KIAA1958: variants seen among roughly 807,000 people sequenced by gnomAD.
The protein encoded by KIAA1958 is KIAA1958, also known as uncharacterized protein KIAA1958.
Under a neutral mutation model 47.2 loss-of-function variants are expected in KIAA1958, and 14 were observed. The ratio of observed to expected loss-of-function variants is 0.30; its 90% CI spans 0.20 to 0.46. The LOEUF is 0.46. Among genes scored for constraint, KIAA1958 ranks in the 20% least tolerant of loss-of-function variants. The pLI, the probability that KIAA1958 is intolerant of heterozygous loss-of-function variation, is 1.00. For missense variants in KIAA1958, 803 were observed against 909.2 expected (o/e 0.88, Z 1.50); for synonymous variants, 354 against 353.3 (o/e 1.00, Z -0.02).
At chr9:112,559,444 G>C (rs1835291882) in intron 1 of KIAA1958, among the ~76,000 whole-genome samples, 1 of 152,220 alleles carries the variant, frequency 6.6e-6, no homozygotes, top group Non-Finnish European at 1.5e-5. Context: ...AAGTGAGGCA[G>C]AGAACAGCTC....
chr9:112,663,798 GT>G lies in KIAA1958; in HGVS notation c.*3732del, dbSNP rs1187477154. On this transcript the variant is annotated 3_prime_UTR_variant, in exon 4 of 4. Transcript: ENST00000337530. ...TAATTTGCCCTGGCTGATAAATGGTGTTTGAAGAAATGTGAAATTTTGTTAC... is the reference window on the plus strand; with the variant it reads ...TAATTTGCCCTGGCTGATAAATGGTGTTGAAGAAATGTGAAATTTTGTTAC... 6.6e-6 allele frequency: 1 copy of G among 152,224 alleles called. No individual in the cohort carries two copies. The highest frequency in any genetic ancestry group is 2.4e-5 in the African/African-American group (1 of 41,464). The allele number at this position is 152,224 out of a possible 1,614,324, so 9.4% of individuals were successfully genotyped here. A position where few individuals can be genotyped will look rare whatever the true frequency, so the allele number is the denominator to read the frequency against.
At chr9:112,623,319 A>G (rs767928348) in intron 2 of KIAA1958, among the ~76,000 whole-genome samples, 9 of 152,188 alleles carry the variant, frequency 5.9e-5, no homozygotes, top group Non-Finnish European at 1.3e-4. Context: ...AAGTATTATT[A>G]TTTCCCTTTT....
intron 1 of KIAA1958, among the ~76,000 whole-genome samples, chr9:112,560,133 A>G (rs1305384295): frequency 2.0e-5 from 3 of 151,660 alleles, no homozygotes; most frequent in Non-Finnish European, 4.4e-5. Context: ...TCTAGGCCTC[A>G]AGCAATCCTT....
chr9:112,586,670 T>C (rs1420179743), intron 2 of KIAA1958, among the ~76,000 whole-genome samples: 1 of 152,214 alleles, frequency 6.6e-6, no homozygotes, highest in Non-Finnish European at 1.5e-5. Context: ...TGATTAAGAC[T>C]TCCAAATATG....
intron 1 of KIAA1958, among the ~76,000 whole-genome samples, chr9:112,533,145 CT>C (rs1834781070): frequency 6.6e-6 from 1 of 152,100 alleles, no homozygotes; most frequent in African/African-American, 2.4e-5. Flanking sequence ...AGTATGTCCA[CT>C]TTCCACCATT....
Position 112,574,112 on chromosome 9 carries a change from A to G in KIAA1958, c.32A>G (p.Asn11Ser), listed in dbSNP as rs748581392. The G allele has an allele frequency of 6.2e-7, 1 of 1,604,690 alleles. No individual in the cohort carries two copies. The highest frequency in any genetic ancestry group is 1.1e-5 in the South Asian group (1 of 89,914). ...GATTGTCTTCATACCTCATCTGAGAATCTGTCCAAATTGGTCAGCTGGGCC... is the reference window on the plus strand; with the variant it reads ...GATTGTCTTCATACCTCATCTGAGAGTCTGTCCAAATTGGTCAGCTGGGCC... MEDCLHTSSENLSKLVSWAHS... is the reference protein window; with the variant it reads MEDCLHTSSESLSKLVSWAHS... Residue 11 changes from asparagine (N) to serine (S), a missense_variant, in exon 2 of 4, where the codon AAT (asparagine) becomes AGT (serine). Physicochemically the swap from Asn to Ser is conservative, Grantham distance 46. Transcript: ENST00000337530.
intron 1 of KIAA1958, among the ~76,000 whole-genome samples, chr9:112,519,820 G>A (rs1471389945): frequency 6.6e-6 from 1 of 152,210 alleles, no homozygotes; most frequent in Non-Finnish European, 1.5e-5. Flanking sequence ...AAAACAATCA[G>A]TAACTATATG....
intron 1 of KIAA1958, among the ~76,000 whole-genome samples, chr9:112,544,015 A>G (rs78038372): frequency 0.022 from 3,336 of 152,272 alleles, 74 homozygotes; most frequent in Non-Finnish European, 0.024. Flanking sequence ...TTGCCCATTA[A>G]CTAAAGGATA....
chr9:112,566,691 A>G (rs374485430), intron 1 of KIAA1958, among the ~76,000 whole-genome samples: 2 of 152,170 alleles, frequency 1.3e-5, no homozygotes, highest in African/African-American at 2.4e-5. Context: ...TCATTGCCCT[A>G]CAACACTTAA....
intron 1 of KIAA1958, among the ~76,000 whole-genome samples, chr9:112,565,443 G>GGA (rs1835412145): frequency 6.6e-6 from 1 of 152,130 alleles, no homozygotes; most frequent in Admixed American, 6.5e-5. Flanking sequence ...TGATAACTCT[G>GGA]TAAGTGTCTT....
At chr9:112,612,199 G>A (rs1215944275) in intron 2 of KIAA1958, among the ~76,000 whole-genome samples, 1 of 152,040 alleles carries the variant, frequency 6.6e-6, no homozygotes, top group African/African-American at 2.4e-5. Flanking sequence ...CTTGAGTGCA[G>A]GGGTTTGAGA....
At position 112,574,451 on chromosome 9, in the gene KIAA1958, A is replaced by G; in HGVS notation, c.371A>G (p.Tyr124Cys). 6.2e-7 allele frequency: 1 copy of G among 1,614,106 alleles called. No individual in the cohort carries two copies. The highest frequency in any genetic ancestry group is 1.1e-5 in the South Asian group (1 of 91,082). ...ACCAGAGACTCTTGTGACTTCTCCT[A>G]CTGTAGTGAGCCCTCTGAACTGGAT... ...NRTRDSCDFS[Y>C]CSEPSELDET... Residue 124 changes from tyrosine to cysteine, a missense_variant, in exon 2 of 4, where the codon TAC becomes TGC. Coordinates refer to ENST00000337530, the MANE Select transcript of KIAA1958 (RefSeq NM_133465.4).
chr9:112,544,329 A>G (rs1834993804), intron 1 of KIAA1958, among the ~76,000 whole-genome samples: 2 of 152,190 alleles, frequency 1.3e-5, no homozygotes, highest in Non-Finnish European at 1.5e-5. Context: ...CAGAGTTCTA[A>G]TTGCTTTCGC....
chr9:112,643,964 G>A (rs1564199963), intron 2 of KIAA1958, among the ~76,000 whole-genome samples: 1 of 152,200 alleles, frequency 6.6e-6, no homozygotes, highest in East Asian at 1.9e-4. Flanking sequence ...GATCACCTGG[G>A]GTCAGGAGTT....
chr9:112,595,063 C>T (rs755358769), intron 2 of KIAA1958, among the ~76,000 whole-genome samples: 5 of 152,166 alleles, frequency 3.3e-5, no homozygotes, highest in Non-Finnish European at 5.9e-5. Flanking sequence ...CTTAAGTTAG[C>T]AGTGATCAAT....
intron 3 of KIAA1958, among the ~76,000 whole-genome samples, chr9:112,656,413 A>C (rs1357580596): frequency 6.8e-6 from 1 of 147,638 alleles, no homozygotes; most frequent in Non-Finnish European, 1.5e-5. Flanking sequence ...CGAGGCTGGG[A>C]TACCTGGTTA....
intron 2 of KIAA1958, among the ~76,000 whole-genome samples, chr9:112,622,397 C>T (rs536192692): frequency 6.6e-6 from 1 of 152,306 alleles, no homozygotes; most frequent in East Asian, 1.9e-4. Context: ...ACACTGTCAG[C>T]ATTTGGATGA....
intron 1 of KIAA1958, among the ~76,000 whole-genome samples, chr9:112,527,258 A>G (rs754583611): frequency 6.6e-6 from 1 of 152,162 alleles, no homozygotes; most frequent in Non-Finnish European, 1.5e-5. Context: ...TGTAGTGGAG[A>G]GTAATTGGTA....
chr9:112,641,662 G>A (rs1836894033), intron 2 of KIAA1958, among the ~76,000 whole-genome samples: 1 of 151,712 alleles, frequency 6.6e-6, no homozygotes, highest in Non-Finnish European at 1.5e-5. Context: ...TCAGTCTCCT[G>A]GATCTGTCTT....
Sources: gnomAD v4.1 joint callset for allele counts (sites outside exome capture counted in the v4.1 genomes callset) on GRCh38, gnomAD v4.1.1 for gene constraint, MANE v1.5 for transcripts, NCBI Gene and HGNC (gene_info 2026-07-23, HGNC 2026-07-21) for gene names.